BTBD9: variants seen among roughly 807,000 people sequenced by gnomAD.
BTBD9 encodes the protein BTB domain containing 9, also known as BTB/POZ domain-containing protein 9.
BTBD9 carries 49 observed loss-of-function variants against 64.3 expected under a neutral mutation model. That is an observed-to-expected ratio of 0.76 (90% CI 0.61 to 0.97). BTBD9 has a LOEUF of 0.97. Ranked by LOEUF, BTBD9 falls within the 50% of genes least tolerant of loss-of-function variation. BTBD9 has a pLI of 0.00. For missense variants in BTBD9, 598 were observed against 762.1 expected (o/e 0.78, Z 2.53); for synonymous variants, 260 against 274.7 (o/e 0.95, Z 0.53).
intron 6 of BTBD9, among the ~76,000 whole-genome samples, chr6:38,417,801 A>AGAGAGGGAG (rs56268245): frequency 7.3e-6 from 1 of 136,948 alleles, no homozygotes; most frequent in Non-Finnish European, 1.5e-5. Context: ...AGAGAGAGAG[A>AGAGAGGGAG]AAAAAAATAT....
intron 7 of BTBD9, among the ~76,000 whole-genome samples, chr6:38,294,077 A>G (rs1762071439): frequency 6.6e-6 from 1 of 152,254 alleles, no homozygotes; most frequent in Non-Finnish European, 1.5e-5. Context: ...AAAGCTCAAC[A>G]TCACTGGCCA....
intron 9 of BTBD9, among the ~76,000 whole-genome samples, chr6:38,241,084 C>A (rs1763978163): frequency 6.6e-6 from 1 of 152,154 alleles, no homozygotes; most frequent in Non-Finnish European, 1.5e-5. Context: ...TCAGCATACC[C>A]TAAAGAAAAG....
At chr6:38,530,713 A>G (rs1282419939) in intron 6 of BTBD9, among the ~76,000 whole-genome samples, 1 of 152,196 alleles carries the variant, frequency 6.6e-6, no homozygotes, top group East Asian at 1.9e-4. Flanking sequence ...GGCTGCTTTG[A>G]GGAAGCTCAA....
chr6:38,511,798 T>C (rs2127411166), intron 6 of BTBD9, among the ~76,000 whole-genome samples: 1 of 152,192 alleles, frequency 6.6e-6, no homozygotes, highest in South Asian at 2.1e-4. Flanking sequence ...AAGGTAAAGA[T>C]TTGCTTGCAT....
At chr6:38,386,034 T>C (rs543591213) in intron 6 of BTBD9, among the ~76,000 whole-genome samples, 57 of 152,228 alleles carry the variant, frequency 3.7e-4, no homozygotes, top group African/African-American at 1.3e-3. Flanking sequence ...CCTCAAGTGA[T>C]CCACCCAACT....
chr6:38,240,262 C>T (rs1014760980), intron 9 of BTBD9, among the ~76,000 whole-genome samples: 2 of 152,188 alleles, frequency 1.3e-5, no homozygotes, highest in Non-Finnish European at 2.9e-5. Flanking sequence ...GGTCTAACTC[C>T]ATGTGTCAGA....
rs1416066272 is a variant in BTBD9 at position 38,322,863 on chromosome 6, A to ATG, written c.1264+22119_1264+22120dup. 2.6e-5 allele frequency among the ~76,000 whole-genome samples: 4 copies of ATG among 152,304 alleles called. No homozygotes were observed. In the East Asian group the frequency reaches 7.7e-4, roughly 29 times the overall value. Reference sequence around the variant, plus strand: ...TCTGGATCTCAGCTTAACTACCATAATGTAGCCTGTGTGTGCCAGACAGTT... The same window carrying ATG: ...TCTGGATCTCAGCTTAACTACCATAATGTGTAGCCTGTGTGTGCCAGACAGTT... On this transcript the variant is annotated intron_variant, in intron 7 of 10. Coordinates refer to ENST00000481247, the MANE Select transcript of BTBD9 (RefSeq NM_001099272.2).
chr6:38,326,005 T>C (rs1302276394), intron 7 of BTBD9, among the ~76,000 whole-genome samples: 1 of 152,024 alleles, frequency 6.6e-6, no homozygotes, highest in Non-Finnish European at 1.5e-5. Flanking sequence ...CTAAGTGCTC[T>C]GAAAGAAAAA....
intron 7 of BTBD9, among the ~76,000 whole-genome samples, chr6:38,305,721 T>C (rs1442247000): frequency 1.3e-5 from 2 of 152,088 alleles, no homozygotes; most frequent in East Asian, 3.9e-4. Context: ...TGACCTCAAG[T>C]GATCCACCTG....
At chr6:38,365,626 C>T (rs1765153837) in intron 6 of BTBD9, among the ~76,000 whole-genome samples, 1 of 152,020 alleles carries the variant, frequency 6.6e-6, no homozygotes, top group African/African-American at 2.4e-5. Flanking sequence ...GGCGTGGTGG[C>T]ACACGCCTAT....
At chr6:38,316,021 T>C (rs1046219778) in intron 7 of BTBD9, among the ~76,000 whole-genome samples, 2 of 152,230 alleles carry the variant, frequency 1.3e-5, no homozygotes, top group Admixed American at 6.5e-5. Context: ...ATAATTGTCA[T>C]ATCCTCTTAC....
chr6:38,280,665 C>G (rs547558433), intron 8 of BTBD9, among the ~76,000 whole-genome samples: 2 of 152,256 alleles, frequency 1.3e-5, no homozygotes, highest in African/African-American at 4.8e-5. Context: ...GAAATGGAAG[C>G]GGCATGGAAC....
intron 7 of BTBD9, among the ~76,000 whole-genome samples, chr6:38,337,506 C>T (rs1763940132): frequency 6.6e-6 from 1 of 152,222 alleles, no homozygotes; most frequent in South Asian, 2.1e-4. Flanking sequence ...TTTTCCAAGG[C>T]CTAGCTCAAA....
chr6:38,548,027 C>A (rs1363781588), intron 6 of BTBD9, among the ~76,000 whole-genome samples: 2 of 152,172 alleles, frequency 1.3e-5, no homozygotes, highest in African/African-American at 4.8e-5. Flanking sequence ...ACCCACACAG[C>A]AATACTTCAA....
intron 7 of BTBD9, 24 bp downstream of exon 7, chr6:38,344,960 C>G (rs920429573): frequency 7.0e-7 from 1 of 1,433,866 alleles, no homozygotes; most frequent in Non-Finnish European, 9.7e-7. Flanking sequence ...AATATACATA[C>G]AAAAATCTAA....
chr6:38,465,858 T>G, intron 6 of BTBD9, among the ~76,000 whole-genome samples: 1 of 125,188 alleles, frequency 8.0e-6, no homozygotes, highest in Non-Finnish European at 1.6e-5. Flanking sequence ...TTTGAGACAG[T>G]CTCACTCTGT....
intron 6 of BTBD9, among the ~76,000 whole-genome samples, chr6:38,547,208 A>C (rs1774592946): frequency 6.6e-6 from 1 of 152,302 alleles, no homozygotes; most frequent in South Asian, 2.1e-4. Flanking sequence ...TAAGTGCTCA[A>C]GTGAAAGGAA....
chr6:38,274,366 T>G (rs1765302831), intron 8 of BTBD9, among the ~76,000 whole-genome samples: 1 of 152,148 alleles, frequency 6.6e-6, no homozygotes, highest in Admixed American at 6.5e-5. Flanking sequence ...TTGAATACCC[T>G]TTATTTCCTT....
At chr6:38,439,133 T>TTG (rs1768898679) in intron 6 of BTBD9, among the ~76,000 whole-genome samples, 1 of 148,792 alleles carries the variant, frequency 6.7e-6, no homozygotes, top group East Asian at 2.0e-4. Context: ...TTTTTTTTTT[T>TTG]TGGTGAGATG....
Sources: allele counts gnomAD v4.1 joint callset (sites outside exome capture counted in the v4.1 genomes callset), GRCh38; gene constraint gnomAD v4.1.1; transcripts MANE v1.5; gene names NCBI Gene and HGNC (gene_info 2026-07-23, HGNC 2026-07-21).